CMTM4: variants seen among roughly 807,000 people sequenced by gnomAD.
CMTM4 encodes the protein CKLF-like MARVEL transmembrane domain-containing protein 4.
In CMTM4, 8 loss-of-function variants were observed where a neutral mutation model predicts 19.0. The ratio of observed to expected loss-of-function variants is 0.42; its 90% CI spans 0.25 to 0.76. The LOEUF (loss-of-function observed/expected upper bound fraction) is 0.76. CMTM4 is among the 30% of genes least tolerant of loss of function. The pLI, the probability that CMTM4 is intolerant of heterozygous loss-of-function variation, is 0.27. For missense variants in CMTM4, 228 were observed against 290.2 expected, an observed-to-expected ratio of 0.79 and a Z score of 1.56; for synonymous variants, 106 against 121.1, an observed-to-expected ratio of 0.88 and a Z score of 0.82.
Position 66,618,810 on chromosome 16 carries a change from A to G in CMTM4, c.*3248T>C. Reference sequence around the variant, plus strand: ...GCACCCGACATAGGGTGGAGGTCAGACACATTCCCTGGCTGCCCACAGGCG... The same window carrying G: ...GCACCCGACATAGGGTGGAGGTCAGGCACATTCCCTGGCTGCCCACAGGCG... On this transcript the variant is annotated 3_prime_UTR_variant, in exon 4 of 4. Transcript: ENST00000394106. The G allele has an allele frequency of 1.0e-6, 1 of 985,490 alleles. No homozygotes were observed. Among genetic ancestry groups the G allele is most frequent in the Non-Finnish European group, 1.2e-6 (1 of 829,962 alleles). 61.0% of individuals were successfully genotyped at this position (985,490 alleles called of 1,614,324 possible).
chr16:66,626,616 C>A (rs1281771164), intron 2 of CMTM4, among the ~76,000 whole-genome samples: 3 of 147,478 alleles, frequency 2.0e-5, no homozygotes, highest in African/African-American at 7.5e-5. Context: ...AAAAAAAAAA[C>A]AAAGTTAGCT....
At chr16:66,636,965 T>C (rs995179158) in intron 1 of CMTM4, among the ~76,000 whole-genome samples, 2 of 152,182 alleles carry the variant, frequency 1.3e-5, no homozygotes, top group Non-Finnish European at 2.9e-5. Context: ...TTCTAATTCA[T>C]GGTCTCTACC....
At chr16:66,598,525 C>T in the CMTM4 span, among the ~76,000 whole-genome samples, 1 of 152,108 alleles carries the variant, frequency 6.6e-6, no homozygotes, top group East Asian at 1.9e-4. Context: ...GTGTAACCAC[C>T]ACCCCAATCA....
the CMTM4 span, among the ~76,000 whole-genome samples, chr16:66,602,719 G>T: frequency 6.6e-6 from 1 of 152,030 alleles, no homozygotes; most frequent in African/African-American, 2.4e-5. Flanking sequence ...GCTAATTTTT[G>T]TATTTTTAGT....
In CMTM4 at chr16:66,696,316, C is replaced by T. The variant is rs2017234712; in HGVS notation, c.186+24G>A. 5 of 1,317,946 alleles carry T rather than the reference C, an allele frequency of 3.8e-6. No homozygotes were observed. Among genetic ancestry groups the T allele is most frequent in the Non-Finnish European group, 4.8e-6 (5 of 1,036,824 alleles). The allele number at this position is 1,317,946 out of a possible 1,614,324, so 81.6% of individuals were successfully genotyped here. On this transcript the variant is annotated intron_variant, in intron 1 of 3. Transcript: ENST00000394106. The surrounding 1 kb of genome is among the most constrained non-coding windows in gnomAD (Gnocchi z 4.3). ...CGTGCGGCTAGGCCGCCCTCGGGCACCTGGGGCCCCGCCCGGCACCTACCA... is the reference window on the plus strand; with the variant it reads ...CGTGCGGCTAGGCCGCCCTCGGGCATCTGGGGCCCCGCCCGGCACCTACCA...
At position 66,617,480 on chromosome 16, in the gene CMTM4, C is replaced by G; in HGVS notation, c.*4578G>C. On this transcript the variant is annotated 3_prime_UTR_variant, in exon 4 of 4. Transcript: ENST00000394106. ...ACTCCGCTTCAAGCTAAAGAGTGTA[C>G]AAAATGCCACTCACTTGCATGAAGA... 6 of 1,444,458 alleles carry G rather than the reference C, an allele frequency of 4.2e-6. No homozygotes were observed. The highest frequency in any genetic ancestry group is 1.4e-5 in the African/African-American group (1 of 69,826). The allele number at this position is 1,444,458 out of a possible 1,614,324, so 89.5% of individuals were successfully genotyped here.
intron 3 of CMTM4, 72 bp downstream of exon 3, chr16:66,623,332 A>G: frequency 9.1e-7 from 1 of 1,097,180 alleles, no homozygotes; most frequent in East Asian, 2.4e-5. Context: ...AGCAGGACAC[A>G]TGCCAGGGAC....
intron 1 of CMTM4, among the ~76,000 whole-genome samples, chr16:66,665,700 C>T (rs2016579696): frequency 6.6e-6 from 1 of 151,952 alleles, no homozygotes; most frequent in African/African-American, 2.4e-5. Context: ...CACTTGAACC[C>T]AGGAGGCAGA....
chr16:66,609,155 G>T, the CMTM4 span, among the ~76,000 whole-genome samples: 1 of 151,780 alleles, frequency 6.6e-6, no homozygotes, highest in African/African-American at 2.4e-5. The surrounding 1 kb of genome is among the most constrained non-coding windows in gnomAD (Gnocchi z 4.4). Flanking sequence ...TGCTTCCACC[G>T]CATCGCAGGG....
rs150966782 is a variant in CMTM4, at chr16:66,676,639, T to C, written c.186+19701A>G. Among the ~76,000 whole-genome samples the C allele has an allele frequency of 1.2e-3, 186 of 152,342 alleles. 1 individual carries two copies. Among genetic ancestry groups the C allele is most frequent in the Middle Eastern group, 6.8e-3 (2 of 294 alleles). ...CTGGAGCCACCTTGACCCTTCGTTA[T>C]TGATTTATATCATGTATTCACCTTC... On this transcript the variant is annotated intron_variant, in intron 1 of 3. Coordinates refer to ENST00000394106, the MANE Select transcript of CMTM4 (RefSeq NM_181521.3).
intron 1 of CMTM4, among the ~76,000 whole-genome samples, chr16:66,648,603 AG>A (rs1023614636): frequency 6.6e-6 from 1 of 152,000 alleles, no homozygotes; most frequent in Non-Finnish European, 1.5e-5. Context: ...GGCTGCAGTG[AG>A]CCGAGATCAC....
intron 1 of CMTM4, among the ~76,000 whole-genome samples, chr16:66,647,929 C>G (rs773781375): frequency 1.3e-5 from 2 of 152,080 alleles, no homozygotes; most frequent in African/African-American, 2.4e-5. Context: ...TGATGGTGAC[C>G]CACTGCTTTA....
intron 1 of CMTM4, among the ~76,000 whole-genome samples, chr16:66,691,473 G>T (rs2017133543): frequency 1.3e-5 from 2 of 152,200 alleles, no homozygotes; most frequent in Non-Finnish European, 2.9e-5. Flanking sequence ...AGCCGAAGAG[G>T]AAGGATTGCT....
intron 1 of CMTM4, among the ~76,000 whole-genome samples, chr16:66,683,988 G>T (rs1265861200): frequency 6.6e-6 from 1 of 152,132 alleles, no homozygotes; most frequent in Non-Finnish European, 1.5e-5. Context: ...AAAGACGAAG[G>T]CAGGTGCATA....
In CMTM4 at chr16:66,623,370, GATCAGCTTGCTTTA is replaced by G; in HGVS notation, c.462+20_462+33del. On this transcript the variant is annotated intron_variant, in intron 3 of 3. Coordinates refer to ENST00000394106, the MANE Select transcript of CMTM4 (RefSeq NM_181521.3). ...GCGAGCAGGTCACAGGAGGTCCCCAGATCAGCTTGCTTTAACCATTTGAGTTTGCTTACCACGGC... is the reference window on the plus strand; with the variant it reads ...GCGAGCAGGTCACAGGAGGTCCCCAGACCATTTGAGTTTGCTTACCACGGC... The G allele has an allele frequency of 1.3e-6, 2 of 1,547,274 alleles. No individual in the cohort carries two copies. The highest frequency in any genetic ancestry group is 2.3e-5 in the South Asian group (2 of 88,256).
At chr16:66,689,135 G>A (rs966087664) in intron 1 of CMTM4, among the ~76,000 whole-genome samples, 8 of 151,970 alleles carry the variant, frequency 5.3e-5, no homozygotes, top group Admixed American at 2.6e-4. Flanking sequence ...TAATTTTTTT[G>A]CAACGGCTAG....
the CMTM4 span, chr16:66,608,609 C>G: frequency 4.3e-4 from 319 of 745,890 alleles, no homozygotes; most frequent in Non-Finnish European, 2.8e-4. This position sits in a 1 kb window ranked among gnomAD's most constrained non-coding sequence, Gnocchi z 5.1. Context: ...GACCCAGCTT[C>G]AGATCATCCC....
rs2015567038 is a variant in CMTM4 at position 66,618,450 on chromosome 16, GC to G, written c.*3607del. The G allele has an allele frequency of 3.0e-6, 3 of 985,454 alleles. No individual in the cohort carries two copies. The highest frequency in any genetic ancestry group is 3.6e-6 in the Non-Finnish European group (3 of 829,946). The allele number at this position is 985,454 out of a possible 1,614,324, so 61.0% of individuals were successfully genotyped here. On this transcript the variant is annotated 3_prime_UTR_variant, in exon 4 of 4. Coordinates refer to ENST00000394106, the MANE Select transcript of CMTM4 (RefSeq NM_181521.3). ...TCCATGCTCTATTCATCTCCTAGGT[GC>G]TAAGACCAACCCACAGAAAATCTGG...
chr16:66,617,240 T>C lies in CMTM4; in HGVS notation c.*4818A>G. ...TAGACAACAAACTTACCCTATGAAA[T>C]AGATACACAGTTCAAGGACCCATCA... On this transcript the variant is annotated 3_prime_UTR_variant, in exon 4 of 4. Coordinates refer to ENST00000394106, the MANE Select transcript of CMTM4 (RefSeq NM_181521.3). The C allele has an allele frequency of 3.1e-6, 5 of 1,596,590 alleles. No homozygotes were observed. The highest frequency in any genetic ancestry group is 1.3e-5 in the African/African-American group (1 of 74,404).
Sources: allele counts gnomAD v4.1 joint callset (sites outside exome capture counted in the v4.1 genomes callset), GRCh38; gene constraint gnomAD v4.1.1; non-coding constraint Gnocchi (gnomAD v3.1); transcripts MANE v1.5; gene names NCBI Gene and HGNC (gene_info 2026-07-23, HGNC 2026-07-21).